The following SLC8A1 variants were observed in gnomAD, a reference collection of about 807,000 sequenced individuals.
SLC8A1 encodes sodium/calcium exchanger 1.
Under a neutral mutation model 68.3 loss-of-function variants are expected in SLC8A1, and 18 were observed. The observed-to-expected ratio is 0.26, with a 90% CI of 0.18 to 0.39. The LOEUF is 0.39. Among genes scored for constraint, SLC8A1 ranks in the 10% least tolerant of loss-of-function variants. The pLI is 1.00. For synonymous variants in SLC8A1, 475 were observed against 415.5 expected (o/e 1.14, Z -1.74); for missense variants, 985 against 1,156.7 (o/e 0.85, Z 2.15).
At chr2:40,293,755 C>T (rs561511375) in intron 2 of SLC8A1, among the ~76,000 whole-genome samples, 52 of 152,270 alleles carry the variant, frequency 3.4e-4, no homozygotes, top group African/African-American at 1.3e-3. Flanking sequence ...GACTATTCTA[C>T]TGCTATCAGT....
intron 2 of SLC8A1, among the ~76,000 whole-genome samples, chr2:40,268,559 T>G (rs1329381893): frequency 6.6e-6 from 1 of 152,174 alleles, no homozygotes; most frequent in Admixed American, 6.5e-5. Context: ...TGTGGATAAT[T>G]CTCTATATTC....
chr2:40,302,818 T>A (rs1211236381), intron 2 of SLC8A1, among the ~76,000 whole-genome samples: 1 of 152,118 alleles, frequency 6.6e-6, no homozygotes, highest in Non-Finnish European at 1.5e-5. Context: ...ATCTCCACAC[T>A]GTTTTCCACA....
intron 1 of SLC8A1, among the ~76,000 whole-genome samples, chr2:40,460,973 G>C (rs535630512): frequency 8.9e-4 from 135 of 152,264 alleles, no homozygotes; most frequent in Middle Eastern, 3.4e-3. Context: ...GCATGACCAA[G>C]GATAAAGAGA....
chr2:40,152,305 A>G (rs1414218196), intron 6 of SLC8A1, among the ~76,000 whole-genome samples: 9 of 152,342 alleles, frequency 5.9e-5, no homozygotes, highest in African/African-American at 1.9e-4. Flanking sequence ...ATGTGCAATG[A>G]ATACAGGTTA....
chr2:40,316,166 G>C (rs775032594), intron 2 of SLC8A1, among the ~76,000 whole-genome samples: 3 of 152,058 alleles, frequency 2.0e-5, no homozygotes, highest in Admixed American at 6.6e-5. Context: ...TTGTGATCAT[G>C]ATCAGTAAAA....
intron 1 of SLC8A1, among the ~76,000 whole-genome samples, chr2:40,476,521 C>T (rs1169371284): frequency 6.6e-6 from 1 of 152,310 alleles, no homozygotes; most frequent in East Asian, 1.9e-4. Flanking sequence ...AGGTAAGGTG[C>T]TTAGTGAAGG....
chr2:40,503,380 GAACTTGGTATAGTGAGAT>G (rs1706166170), intron 1 of SLC8A1, among the ~76,000 whole-genome samples: 2 of 151,912 alleles, frequency 1.3e-5, no homozygotes, highest in African/African-American at 4.8e-5. Context: ...GCTACTAAAT[GAACTTGGTATAGTGAGAT>G]AGTCACACAA....
exon 2 of SLC8A1, chr2:40,430,045 G>A (rs897284573): frequency 1.2e-6 from 2 of 1,613,798 alleles, no homozygotes; most frequent in Non-Finnish European, 1.7e-6. Context: ...AAAATACACA[G>A]TAGCTCTAGC....
exon 8 of SLC8A1, chr2:40,105,430 C>G: frequency 6.6e-6 from 1 of 152,308 alleles, no homozygotes; most frequent in East Asian, 1.9e-4. Context: ...GATGTTGAGT[C>G]GTGGAGGCTT....
exon 7 of SLC8A1, chr2:40,139,653 A>C: frequency 6.2e-7 from 1 of 1,613,986 alleles, no homozygotes; most frequent in Non-Finnish European, 8.5e-7. Flanking sequence ...TCTTCCCCAC[A>C]TTCATCGTCG....
At chr2:40,174,776 G>A (rs1205261469) in intron 4 of SLC8A1, 49 bp downstream of exon 5, 1 of 1,594,396 alleles carries the variant, frequency 6.3e-7, no homozygotes, top group African/African-American at 1.3e-5. Flanking sequence ...AACATCTGGT[G>A]AGAACAGACA....
intron 1 of SLC8A1, among the ~76,000 whole-genome samples, chr2:40,498,350 C>A (rs573671488): frequency 2.6e-5 from 4 of 152,118 alleles, no homozygotes; most frequent in Admixed American, 2.0e-4. Flanking sequence ...AAATTATATG[C>A]CAATGTATTA....
intron 2 of SLC8A1, among the ~76,000 whole-genome samples, chr2:40,203,923 T>G (rs1574013083): frequency 1.3e-5 from 2 of 151,964 alleles, no homozygotes; most frequent in African/African-American, 4.8e-5. Context: ...ACTATGTTAC[T>G]CAAGCTGGTC....
chr2:40,366,864 G>T (rs763482247), intron 2 of SLC8A1, among the ~76,000 whole-genome samples: 2 of 151,732 alleles, frequency 1.3e-5, no homozygotes, highest in East Asian at 1.9e-4. Flanking sequence ...TTAAAAAAGA[G>T]AATGTGGCAG....
intron 7 of SLC8A1, chr2:40,123,380 C>T (rs989363594): frequency 2.0e-5 from 3 of 152,186 alleles, no homozygotes; most frequent in Non-Finnish European, 4.4e-5. Flanking sequence ...TAAGAAGGAG[C>T]TATTTTCATG....
chr2:40,341,316 A>G (rs1190781063), intron 2 of SLC8A1, among the ~76,000 whole-genome samples: 1 of 152,206 alleles, frequency 6.6e-6, no homozygotes, highest in African/African-American at 2.4e-5. Context: ...GTAAATAAGT[A>G]AATAAATAAA....
In SLC8A1 at chr2:40,106,719, T is replaced by G. The variant is rs1262602428; in HGVS notation, c.*8534A>C. ...TAACAGTTGTAGTTAAAAATAACTT[T>G]CCATTATAATATGATGTTATCCTTT... On this transcript the variant is annotated 3_prime_UTR_variant, in exon 8 of 8. Coordinates refer to ENST00000406785, the Ensembl canonical transcript of SLC8A1. 5 of 152,318 alleles carry G rather than the reference T, an allele frequency of 3.3e-5. No homozygotes were observed. In the East Asian group the frequency reaches 9.7e-4, roughly 29 times the overall value. 9.4% of individuals were successfully genotyped at this position (152,318 alleles called of 1,614,324 possible). A position where few individuals can be genotyped will look rare whatever the true frequency, so the allele number is the denominator to read the frequency against.
intron 2 of SLC8A1, among the ~76,000 whole-genome samples, chr2:40,399,788 C>T (rs1374056492): frequency 6.6e-6 from 1 of 152,096 alleles, no homozygotes; most frequent in Admixed American, 6.6e-5. Context: ...TTTCTAAATT[C>T]CTTAGCCAAT....
intron 2 of SLC8A1, among the ~76,000 whole-genome samples, chr2:40,240,494 G>C (rs187217051): frequency 2.0e-5 from 3 of 152,188 alleles, no homozygotes; most frequent in Non-Finnish European, 4.4e-5. Flanking sequence ...AAACCCCACT[G>C]TAGTATTAGA....
Sources: allele counts gnomAD v4.1 joint callset (sites outside exome capture counted in the v4.1 genomes callset), GRCh38; gene constraint gnomAD v4.1.1; transcripts MANE v1.5; gene names NCBI Gene and HGNC (gene_info 2026-07-23, HGNC 2026-07-21).